The following SHISA6 variants were observed in gnomAD, a reference collection of about 807,000 sequenced individuals.
SHISA6 encodes the protein protein shisa-6.
SHISA6 carries 22 observed loss-of-function variants against 47.9 expected under a neutral mutation model. That is an observed-to-expected ratio of 0.46 (90% confidence interval 0.33 to 0.66). SHISA6 has a LOEUF of 0.66. Ranked by LOEUF, SHISA6 falls within the 30% of genes least tolerant of loss-of-function variation. The pLI, the probability that SHISA6 is intolerant of heterozygous loss-of-function variation, is 0.02. For missense variants in SHISA6, 680 were observed against 764.6 expected (o/e 0.89, Z 1.30); for synonymous variants, 388 against 337.8 (o/e 1.15, Z -1.63).
Position 11,241,791 on chromosome 17 carries a change from C to T in SHISA6, c.369C>T (p.Thr123=), listed in dbSNP as rs1907358411. The part of the protein sequence containing the change: ...SESGYLYCCG[T]CYYRFCCKKR... Reference sequence around the variant, plus strand: ...GCGGCTACCTGTACTGCTGCGGTACCTGCTACTACCGCTTCTGCTGCAAGA... The same window carrying T: ...GCGGCTACCTGTACTGCTGCGGTACTTGCTACTACCGCTTCTGCTGCAAGA... The change falls in exon 1 of 6, where the codon ACC becomes ACT. Residue 123 remains threonine, a synonymous_variant. Coordinates refer to ENST00000441885, the MANE Select transcript of SHISA6 (RefSeq NM_207386.4). The surrounding 1 kb of genome is among the most constrained non-coding windows in gnomAD (Gnocchi z 5.5). The T allele has an allele frequency of 1.9e-6, 3 of 1,550,076 alleles. No homozygotes were observed. The highest frequency in any genetic ancestry group is 2.0e-5 in the Admixed American group (1 of 50,992).
At chr17:11,351,049 C>T (rs1393679905) in intron 2 of SHISA6, among the ~76,000 whole-genome samples, 1 of 152,056 alleles carries the variant, frequency 6.6e-6, no homozygotes, top group South Asian at 2.1e-4. Context: ...GAACAGAAAA[C>T]CAAATGCCAC....
intron 1 of SHISA6, among the ~76,000 whole-genome samples, chr17:11,257,069 G>A (rs2142141465): frequency 6.6e-6 from 1 of 151,738 alleles, no homozygotes; most frequent in Non-Finnish European, 1.5e-5. Context: ...CAGATGCACA[G>A]ACATTGTTAA....
chr17:11,352,800 C>G (rs1232311624), intron 2 of SHISA6, among the ~76,000 whole-genome samples: 1 of 152,186 alleles, frequency 6.6e-6, no homozygotes, highest in African/African-American at 2.4e-5. Context: ...CCGTTGCAAA[C>G]AGAATGGCCC....
chr17:11,447,619 G>A (rs1217747641), intron 3 of SHISA6, among the ~76,000 whole-genome samples: 1 of 152,192 alleles, frequency 6.6e-6, no homozygotes, highest in Non-Finnish European at 1.5e-5. Flanking sequence ...CAGAGAGGAG[G>A]CAGTCATTTT....
chr17:11,476,305 A>G (rs1044965445), intron 3 of SHISA6, among the ~76,000 whole-genome samples: 9 of 151,036 alleles, frequency 6.0e-5, no homozygotes, highest in African/African-American at 1.7e-4. Flanking sequence ...TCTATTTTTT[A>G]TTGCTTCTTT....
chr17:11,482,993 C>CA (rs564860222), intron 3 of SHISA6, among the ~76,000 whole-genome samples: 30 of 151,480 alleles, frequency 2.0e-4, no homozygotes, highest in African/African-American at 2.4e-4. Context: ...AAGCAAACAG[C>CA]AAAAAAAACA....
intron 1 of SHISA6, among the ~76,000 whole-genome samples, chr17:11,261,305 TG>T (rs542712681): frequency 2.5e-4 from 38 of 152,294 alleles, no homozygotes; most frequent in African/African-American, 7.9e-4. Flanking sequence ...CTTTACAACA[TG>T]TGGCAGGGTT....
chr17:11,269,567 G>A (rs1052606126), intron 2 of SHISA6, among the ~76,000 whole-genome samples: 3 of 152,210 alleles, frequency 2.0e-5, no homozygotes, highest in Admixed American at 2.0e-4. Flanking sequence ...GACAGGTTTA[G>A]GGCTGCCCAT....
intron 2 of SHISA6, among the ~76,000 whole-genome samples, chr17:11,282,785 AG>A (rs1414554380): frequency 2.0e-5 from 3 of 152,242 alleles, no homozygotes; most frequent in Admixed American, 2.0e-4. Context: ...GCATCTGTCC[AG>A]CCCCAACCCA....
chr17:11,332,239 T>TG (rs918873206), intron 2 of SHISA6, among the ~76,000 whole-genome samples: 4 of 14,752 alleles, frequency 2.7e-4, no homozygotes, highest in East Asian at 1.0e-3. Flanking sequence ...GCGCCAGCGT[T>TG]GGGGAAAAAA....
At chr17:11,264,555 T>C (rs1422931481) in intron 2 of SHISA6, among the ~76,000 whole-genome samples, 3 of 152,222 alleles carry the variant, frequency 2.0e-5, no homozygotes, top group Admixed American at 2.0e-4. Context: ...GATAGCCTCT[T>C]ACTGGTACTA....
At chr17:11,456,923 G>A (rs1158159842) in intron 3 of SHISA6, among the ~76,000 whole-genome samples, 1 of 152,120 alleles carries the variant, frequency 6.6e-6, no homozygotes, top group East Asian at 1.9e-4. Flanking sequence ...TTCTAGCAGG[G>A]TCCTCAGCTC....
chr17:11,535,058 G>C (rs2142374575), intron 3 of SHISA6, among the ~76,000 whole-genome samples: 1 of 152,222 alleles, frequency 6.6e-6, no homozygotes, highest in East Asian at 1.9e-4. Context: ...AACCCAGGAG[G>C]CAGAGGTTGC....
At chr17:11,493,226 T>C (rs1372100873) in intron 3 of SHISA6, among the ~76,000 whole-genome samples, 1 of 152,036 alleles carries the variant, frequency 6.6e-6, no homozygotes, top group Non-Finnish European at 1.5e-5. Context: ...CCTTTTTTTT[T>C]CTTTTCTTTT....
chr17:11,276,371 A>G (rs1908892923), intron 2 of SHISA6, among the ~76,000 whole-genome samples: 1 of 152,076 alleles, frequency 6.6e-6, no homozygotes, highest in African/African-American at 2.4e-5. Context: ...GGGAGATGGG[A>G]CTTGGACTGG....
chr17:11,353,456 A>C (rs1482948018), intron 2 of SHISA6, among the ~76,000 whole-genome samples: 4 of 119,342 alleles, frequency 3.4e-5, no homozygotes, highest in Admixed American at 1.9e-4. Context: ...ACTCCGTCTA[A>C]AAAAAAAAAA....
intron 3 of SHISA6, among the ~76,000 whole-genome samples, chr17:11,525,370 C>T (rs955441003): frequency 6.5e-4 from 99 of 152,162 alleles, no homozygotes; most frequent in Non-Finnish European, 1.5e-4. Context: ...CTTGGTGGCT[C>T]ACGCCTGTAA....
intron 3 of SHISA6, among the ~76,000 whole-genome samples, chr17:11,395,256 G>A (rs1913531606): frequency 6.6e-6 from 1 of 151,594 alleles, no homozygotes; most frequent in African/African-American, 2.4e-5. Context: ...TACCACTAGT[G>A]TAAAAAGAAA....
At chr17:11,306,680 T>A (rs1487092415) in intron 2 of SHISA6, among the ~76,000 whole-genome samples, 2 of 152,090 alleles carry the variant, frequency 1.3e-5, no homozygotes, top group Non-Finnish European at 2.9e-5. Flanking sequence ...CAGTCACAGG[T>A]TTTTTCAGGC....
Sources: gnomAD v4.1 joint callset for allele counts (sites outside exome capture counted in the v4.1 genomes callset) on GRCh38, gnomAD v4.1.1 for gene constraint, Gnocchi (gnomAD v3.1) non-coding constraint, MANE v1.5 for transcripts, NCBI Gene and HGNC (gene_info 2026-07-23, HGNC 2026-07-21) for gene names.